Variants in ZMAT4 observed in about 807,000 individuals in gnomAD.
ZMAT4 encodes the protein zinc finger matrin-type protein 4.
Under a neutral mutation model 28.7 loss-of-function variants are expected in ZMAT4, and 17 were observed. The ratio of observed to expected loss-of-function variants is 0.59; its 90% confidence interval spans 0.41 to 0.89. The LOEUF is 0.89. Ranked by LOEUF, ZMAT4 falls within the 40% of genes least tolerant of loss-of-function variation. The pLI is 0.00. For synonymous variants in ZMAT4, 117 were observed against 109.2 expected, an observed-to-expected ratio of 1.07 and a Z score of -0.44; for missense variants, 240 against 283.8, an observed-to-expected ratio of 0.85 and a Z score of 1.11.
At chr8:40,742,087 A>AAAAAACAC (rs1554549262) in intron 3 of ZMAT4, among the ~76,000 whole-genome samples, 3 of 148,608 alleles carry the variant, frequency 2.0e-5, no homozygotes, top group Admixed American at 1.3e-4. Flanking sequence ...AAAAATACAA[A>AAAAAACAC]AAAAAACAAA....
intron 1 of ZMAT4, among the ~76,000 whole-genome samples, chr8:40,861,126 G>A (rs556646920): frequency 5.1e-4 from 77 of 151,970 alleles, no homozygotes; most frequent in Non-Finnish European, 9.0e-4. Flanking sequence ...TCCTCGATTA[G>A]TCTGAAACTC....
At chr8:40,828,755 T>C (rs1333488121) in intron 1 of ZMAT4, among the ~76,000 whole-genome samples, 1 of 152,148 alleles carries the variant, frequency 6.6e-6, no homozygotes, top group African/African-American at 2.4e-5. Context: ...GCCTGTTTTG[T>C]ACATGAGGGC....
chr8:40,556,662 A>G (rs1200592758), intron 6 of ZMAT4, among the ~76,000 whole-genome samples: 2 of 152,202 alleles, frequency 1.3e-5, no homozygotes, highest in African/African-American at 4.8e-5. Context: ...CTGAATTAAA[A>G]TCACTTCCAT....
intron 1 of ZMAT4, among the ~76,000 whole-genome samples, chr8:40,854,700 C>T (rs568650662): frequency 1.2e-3 from 190 of 152,180 alleles, no homozygotes; most frequent in African/African-American, 4.4e-3. Flanking sequence ...GTGGAGCTGG[C>T]ATGGATAAGG....
chr8:40,546,521 A>G (rs1275169203), intron 6 of ZMAT4, among the ~76,000 whole-genome samples: 1 of 152,206 alleles, frequency 6.6e-6, no homozygotes, highest in Non-Finnish European at 1.5e-5. Context: ...ATTAAAATTC[A>G]TGCTGACTGC....
chr8:40,686,849 A>G (rs1166299090), intron 4 of ZMAT4, among the ~76,000 whole-genome samples: 3 of 152,212 alleles, frequency 2.0e-5, no homozygotes, highest in Admixed American at 2.0e-4. Context: ...TGTCTGTTTG[A>G]CAAAAGTTAC....
intron 2 of ZMAT4, among the ~76,000 whole-genome samples, chr8:40,784,747 G>A (rs763374657): frequency 1.8e-4 from 28 of 152,050 alleles, no homozygotes; most frequent in Non-Finnish European, 2.6e-4. Flanking sequence ...CCCTGCTCCC[G>A]GGGTTTGACA....
At chr8:40,890,017 C>A (rs1193283706) in intron 1 of ZMAT4, among the ~76,000 whole-genome samples, 1 of 152,192 alleles carries the variant, frequency 6.6e-6, no homozygotes, top group Non-Finnish European at 1.5e-5. Flanking sequence ...TTTTTAATTT[C>A]TGCTAATCTG....
chr8:40,696,635 G>A (rs2150493671), intron 4 of ZMAT4, among the ~76,000 whole-genome samples: 1 of 152,204 alleles, frequency 6.6e-6, no homozygotes, highest in South Asian at 2.1e-4. Context: ...CAATATTTAA[G>A]GTTTTACTTG....
chr8:40,763,622 CA>C (rs1303203169), intron 3 of ZMAT4, among the ~76,000 whole-genome samples: 3 of 152,162 alleles, frequency 2.0e-5, no homozygotes, highest in Non-Finnish European at 4.4e-5. Flanking sequence ...CTAGGAATAG[CA>C]TTTAGGGAAG....
At chr8:40,760,298 C>G (rs547984846) in intron 3 of ZMAT4, among the ~76,000 whole-genome samples, 3 of 152,298 alleles carry the variant, frequency 2.0e-5, no homozygotes, top group African/African-American at 4.8e-5. Flanking sequence ...TATGATCAGT[C>G]CTTACCTAAG....
intron 2 of ZMAT4, among the ~76,000 whole-genome samples, chr8:40,792,578 G>GAGGAAAGGA (rs1259725594): frequency 9.2e-5 from 2 of 21,838 alleles, no homozygotes; most frequent in African/African-American, 4.0e-4. Context: ...GGAGGGGAGG[G>GAGGAAAGGA]AGGAAAGGAA....
chr8:40,890,520 G>T (rs1057059205), intron 1 of ZMAT4, among the ~76,000 whole-genome samples: 1 of 152,024 alleles, frequency 6.6e-6, no homozygotes, highest in Non-Finnish European at 1.5e-5. Context: ...CTTCCTGCGG[G>T]CCCTCGCCAT....
chr8:40,873,930 G>A (rs192992185), intron 1 of ZMAT4, among the ~76,000 whole-genome samples: 94 of 152,230 alleles, frequency 6.2e-4, no homozygotes, highest in Middle Eastern at 3.4e-3. Context: ...TAAGCCCAGC[G>A]TGCGTGATCC....
At chr8:40,532,380 G>T (rs1279610508) in intron 6 of ZMAT4, 142 bp from the exon 7 acceptor site, 9 of 588,076 alleles carry the variant, frequency 1.5e-5, no homozygotes, top group Non-Finnish European at 2.4e-5. Flanking sequence ...AATTTGTAAA[G>T]TTAATCTTTC....
intron 6 of ZMAT4, among the ~76,000 whole-genome samples, chr8:40,565,476 A>C (rs932175117): frequency 3.4e-5 from 5 of 148,312 alleles, no homozygotes; most frequent in African/African-American, 5.0e-5. Flanking sequence ...TCCCAGATTC[A>C]AGCAATTCTC....
chr8:40,707,630 T>TATA (rs5891113), intron 3 of ZMAT4, among the ~76,000 whole-genome samples: 31,000 of 151,986 alleles, frequency 0.2, 4,604 homozygotes, highest in East Asian at 0.62. Flanking sequence ...TATACATACA[T>TATA]ATAAGTATAT....
At chr8:40,768,824 C>T (rs1292267309) in intron 2 of ZMAT4, among the ~76,000 whole-genome samples, 1 of 152,130 alleles carries the variant, frequency 6.6e-6, no homozygotes, top group Non-Finnish European at 1.5e-5. Context: ...CTTCCCTTTC[C>T]TTTACTCAGA....
chr8:40,590,550 A>G (rs1474255375), intron 5 of ZMAT4, among the ~76,000 whole-genome samples: 1 of 152,070 alleles, frequency 6.6e-6, no homozygotes, highest in Non-Finnish European at 1.5e-5. Context: ...CCTCCAGGCC[A>G]TTTTAGACAG....
Sources: gnomAD v4.1 joint callset for allele counts (sites outside exome capture counted in the v4.1 genomes callset) on GRCh38, gnomAD v4.1.1 for gene constraint, MANE v1.5 for transcripts, NCBI Gene and HGNC (gene_info 2026-07-23, HGNC 2026-07-21) for gene names.